Variants in IQANK1 observed in about 807,000 individuals in gnomAD.
The protein encoded by IQANK1 is IQ motif and ankyrin repeat domain-containing protein 1.
Under a neutral mutation model 22.6 loss-of-function variants are expected in IQANK1, and 30 were observed. The observed-to-expected ratio is 1.33, with a 90% CI of 0.99 to 1.80. The LOEUF (loss-of-function observed/expected upper bound fraction) is 1.80, where lower values mean the gene tolerates loss of function less well. IQANK1 is among the 40% of genes most tolerant of loss of function. The pLI, the probability that IQANK1 is intolerant of heterozygous loss-of-function variation, is 0.00. For missense variants in IQANK1, 275 were observed against 235.2 expected (o/e 1.17, Z -1.11); for synonymous variants, 122 against 99.6 (o/e 1.23, Z -1.34).
chr8:143,789,718 G>C (rs1225594711), intron 10 of IQANK1, 43 bp from the exon 11 acceptor site: 2 of 1,227,108 alleles, frequency 1.6e-6, no homozygotes, highest in Non-Finnish European at 2.0e-6. Flanking sequence ...TCCAGCCAGA[G>C]CATGGGGCAG....
rs1819950918 is a variant in IQANK1, at chr8:143,788,945, C to G, written c.820C>G (p.Leu274Val). 1 of 399,194 alleles carries G rather than the reference C, an allele frequency of 2.5e-6. No individual in the cohort carries two copies. Among genetic ancestry groups the G allele is most frequent in the East Asian group, 3.6e-5 (1 of 28,082 alleles). The allele number at this position is 399,194 out of a possible 1,614,324, so 24.7% of individuals were successfully genotyped here. A position where few individuals can be genotyped will look rare whatever the true frequency, so the allele number is the denominator to read the frequency against. The change falls in exon 8 of 14, where the codon CTG becomes GTG. Residue 274 changes from leucine to valine, a missense_variant. Leu to Val is a conservative substitution (Grantham distance 32). Coordinates refer to ENST00000527139, the MANE Select transcript of IQANK1 (RefSeq NM_001381874.1). ...CTCACTGGACACAGTGGTGAGCGTG[C>G]TGCGCTCGTGGGACCTGAGCCTCAC... ...VASLDTVVSV[L>V]RSWDLSLTEA...
rs1667258385 is a variant in IQANK1 at position 143,771,165 on chromosome 8, T to A, written c.176-323T>A. 6.6e-6 allele frequency among the ~76,000 whole-genome samples: 1 copy of A among 152,106 alleles called. No homozygotes were observed. Among genetic ancestry groups the A allele is most frequent in the South Asian group, 2.1e-4 (1 of 4,826 alleles). ...GGCCTTCGGCTTTCAGGGAAGGGTG[T>A]CCCGCGGGGGACAGCACCCCTTCCT... is the stretch of plus-strand genomic sequence containing the variant. On this transcript the variant is annotated intron_variant, in intron 3 of 13. Coordinates refer to ENST00000527139, the MANE Select transcript of IQANK1 (RefSeq NM_001381874.1). This position sits in a 1 kb window ranked among gnomAD's most constrained non-coding sequence, Gnocchi z 6.0.
At chr8:143,787,031 G>A (rs576241214) in intron 7 of IQANK1, among the ~76,000 whole-genome samples, 6 of 152,298 alleles carry the variant, frequency 3.9e-5, no homozygotes, top group South Asian at 4.1e-4. Context: ...AGGGCTTGAC[G>A]CCTAGGGGAA....
At chr8:143,787,369 C>T (rs1481600519) in intron 7 of IQANK1, among the ~76,000 whole-genome samples, 1 of 152,118 alleles carries the variant, frequency 6.6e-6, no homozygotes, top group Non-Finnish European at 1.5e-5. Context: ...GTGAGTTTAC[C>T]ACGTGTCTGC....
At chr8:143,741,284 C>T (rs765364329) in intron 3 of IQANK1, among the ~76,000 whole-genome samples, 3 of 152,218 alleles carry the variant, frequency 2.0e-5, no homozygotes, top group Non-Finnish European at 2.9e-5. Context: ...GTGGGGCAGA[C>T]AGGACCAGGG....
intron 7 of IQANK1, among the ~76,000 whole-genome samples, chr8:143,786,781 G>A (rs140905901): frequency 5.3e-4 from 80 of 152,310 alleles, no homozygotes; most frequent in African/African-American, 1.9e-3. Context: ...TGAGAAGGTG[G>A]CATACAAGGG....
chr8:143,746,164 CT>C (rs1201838473), intron 3 of IQANK1: 2 of 152,204 alleles, frequency 1.3e-5, no homozygotes, highest in Non-Finnish European at 2.9e-5. Context: ...TTTTCCTTGC[CT>C]AACTGCTCTG....
intron 9 of IQANK1, 77 bp from the exon 10 acceptor site, chr8:143,789,359 C>T (rs1554631849): frequency 1.3e-6 from 1 of 771,944 alleles, no homozygotes; most frequent in African/African-American, 1.8e-5. Context: ...GAGGTGTCCT[C>T]AGGCCCCTGG....
chr8:143,778,052 G>A (rs534510340), intron 7 of IQANK1, among the ~76,000 whole-genome samples: 41 of 152,204 alleles, frequency 2.7e-4, no homozygotes, highest in South Asian at 6.2e-4. Context: ...AAAATTAGCC[G>A]GGCATCGTAG....
chr8:143,752,320 T>G (rs1391017991), intron 3 of IQANK1, among the ~76,000 whole-genome samples: 3 of 152,204 alleles, frequency 2.0e-5, no homozygotes, highest in Non-Finnish European at 2.9e-5. Context: ...TCCAAGTTTC[T>G]GATGAAAAAT....
intron 3 of IQANK1, among the ~76,000 whole-genome samples, chr8:143,747,552 A>T (rs1424713023): frequency 6.6e-6 from 1 of 151,838 alleles, no homozygotes; most frequent in African/African-American, 2.4e-5. Flanking sequence ...TAAGGTTGGT[A>T]TGTTGTGTCT....
intron 3 of IQANK1, among the ~76,000 whole-genome samples, chr8:143,748,756 TAA>T (rs1554627576): frequency 6.7e-5 from 7 of 103,902 alleles, no homozygotes; most frequent in African/African-American, 2.1e-4. Context: ...ATATATCATA[TAA>T]ATATATATAA....
intron 2 of IQANK1, among the ~76,000 whole-genome samples, chr8:143,737,424 C>T (rs1818772330): frequency 6.6e-6 from 1 of 152,218 alleles, no homozygotes; most frequent in South Asian, 2.1e-4. Flanking sequence ...TGCCCATTTC[C>T]ACCAAGCATT....
intron 3 of IQANK1, among the ~76,000 whole-genome samples, chr8:143,750,348 C>T (rs1819166055): frequency 6.6e-6 from 1 of 152,130 alleles, no homozygotes; most frequent in African/African-American, 2.4e-5. Context: ...GATACTAGTA[C>T]AGTCATTCCT....
chr8:143,783,733 G>A (rs1819837681), intron 7 of IQANK1, among the ~76,000 whole-genome samples: 1 of 152,152 alleles, frequency 6.6e-6, no homozygotes, highest in Admixed American at 6.5e-5. Context: ...ATAGACTTCT[G>A]TGCGTTGTTT....
At chr8:143,747,043 C>T (rs1346640819) in intron 3 of IQANK1, among the ~76,000 whole-genome samples, 1 of 152,054 alleles carries the variant, frequency 6.6e-6, no homozygotes, top group African/African-American at 2.4e-5. Context: ...CCACGCCCGG[C>T]TAATTTTTTG....
intron 3 of IQANK1, among the ~76,000 whole-genome samples, chr8:143,765,602 A>G (rs1240230398): frequency 3.9e-5 from 6 of 152,206 alleles, no homozygotes; most frequent in Admixed American, 3.9e-4. Context: ...TCTTTGACAT[A>G]TGCAGAAGTT....
intron 3 of IQANK1, among the ~76,000 whole-genome samples, chr8:143,746,734 C>A (rs1410489293): frequency 6.6e-6 from 1 of 152,068 alleles, no homozygotes; most frequent in Non-Finnish European, 1.5e-5. Context: ...AGTTATATGT[C>A]TATTCAGATT....
At chr8:143,769,809 C>T (rs1372119237) in intron 3 of IQANK1, among the ~76,000 whole-genome samples, 1 of 152,248 alleles carries the variant, frequency 6.6e-6, no homozygotes, top group Non-Finnish European at 1.5e-5. Context: ...CTCTTGCTGT[C>T]ACTGGGAAGG....
Sources: gnomAD v4.1 joint callset for allele counts (sites outside exome capture counted in the v4.1 genomes callset) on GRCh38, gnomAD v4.1.1 for gene constraint, Gnocchi (gnomAD v3.1) non-coding constraint, MANE v1.5 for transcripts, NCBI Gene and HGNC (gene_info 2026-07-23, HGNC 2026-07-21) for gene names.